The following GANC variants were observed in gnomAD, a reference collection of about 807,000 sequenced individuals.
GANC encodes glucosidase alpha, neutral C.
Under a neutral mutation model 124.2 loss-of-function variants are expected in GANC, and 117 were observed. The observed-to-expected ratio is 0.94, with a 90% confidence interval of 0.81 to 1.10. GANC has a LOEUF of 1.10. Among genes scored for constraint, GANC ranks in the 50% least tolerant of loss-of-function variants. The pLI is 0.00. For missense variants in GANC, 1,140 were observed against 1,095.0 expected (o/e 1.04, Z -0.58); for synonymous variants, 377 against 376.8 (o/e 1.00, Z -0.01).
chr15:42,327,505 G>C, intron 13 of GANC, 63 bp downstream of exon 13: 1 of 1,278,762 alleles, frequency 7.8e-7, no homozygotes, highest in South Asian at 1.2e-5. Flanking sequence ...TGGAAAAAGT[G>C]ATTGAATAAA....
chr15:42,340,884 G>A, intron 18 of GANC, 130 bp downstream of exon 18: 1 of 670,868 alleles, frequency 1.5e-6, no homozygotes, highest in Non-Finnish European at 2.5e-6. Context: ...GTCTGCCTCA[G>A]CCTCCTGAGC....
intron 7 of GANC, among the ~76,000 whole-genome samples, chr15:42,307,076 A>G (rs4924657): frequency 0.98 from 148,909 of 152,286 alleles, 72,867 homozygotes; most frequent in Non-Finnish European, 1. Flanking sequence ...TGATGGAATT[A>G]GGGTAGAGGG....
intron 3 of GANC, among the ~76,000 whole-genome samples, chr15:42,279,285 C>T (rs1022534664): frequency 1.3e-5 from 2 of 152,208 alleles, no homozygotes; most frequent in Non-Finnish European, 1.5e-5. Context: ...CTGTCACCCA[C>T]GTGCTTTCTA....
chr15:42,286,932 A>G (rs1281142144), intron 3 of GANC, among the ~76,000 whole-genome samples: 1 of 152,252 alleles, frequency 6.6e-6, no homozygotes, highest in Non-Finnish European at 1.5e-5. Flanking sequence ...CCACCAGTTG[A>G]AAACCATGGT....
chr15:42,336,066 C>A (rs2052280557), intron 15 of GANC, among the ~76,000 whole-genome samples: 1 of 151,296 alleles, frequency 6.6e-6, no homozygotes, highest in African/African-American at 2.4e-5. Context: ...AGATTCCGTG[C>A]TATTCCTGTC....
At chr15:42,298,639 A>G (rs570576875) in intron 6 of GANC, among the ~76,000 whole-genome samples, 1 of 152,214 alleles carries the variant, frequency 6.6e-6, no homozygotes, top group Non-Finnish European at 1.5e-5. Context: ...CTTCATCCCC[A>G]ATCACATGTA....
At chr15:42,294,881 T>G in intron 5 of GANC, among the ~76,000 whole-genome samples, 1 of 151,452 alleles carries the variant, frequency 6.6e-6, no homozygotes, top group East Asian at 1.9e-4. Context: ...CTAATAACCT[T>G]GAATATGTGT....
intron 3 of GANC, among the ~76,000 whole-genome samples, chr15:42,285,628 C>A (rs1177619910): frequency 2.0e-5 from 3 of 152,078 alleles, no homozygotes; most frequent in Non-Finnish European, 1.5e-5. Context: ...AACCCCATCT[C>A]TATTAAAAAT....
intron 11 of GANC, among the ~76,000 whole-genome samples, chr15:42,325,661 G>A (rs2052193259): frequency 1.3e-5 from 2 of 152,208 alleles, no homozygotes; most frequent in Non-Finnish European, 2.9e-5. Flanking sequence ...GCAGCACTCA[G>A]CATCATGGAC....
At chr15:42,350,022 C>CTTTTTTTTTT (rs753077889) in intron 22 of GANC, among the ~76,000 whole-genome samples, 4 of 75,036 alleles carry the variant, frequency 5.3e-5, no homozygotes, top group Non-Finnish European at 9.9e-5. Flanking sequence ...CTTTCCCCCA[C>CTTTTTTTTTT]TTTTTTTTTT....
rs761230377 is a variant in GANC, at chr15:42,348,131, T to A, written c.2333T>A (p.Val778Glu). The A allele has an allele frequency of 6.2e-7, 1 of 1,612,522 alleles. No homozygotes were observed. Among genetic ancestry groups the A allele is most frequent in the South Asian group, 1.1e-5 (1 of 90,692 alleles). Reference sequence around the variant, plus strand: ...CCAGTGTTTCAGCGAGGTGGAAGTGTGATACCAATAAAGACAACTGTAGGA... The same window carrying A: ...CCAGTGTTTCAGCGAGGTGGAAGTGAGATACCAATAAAGACAACTGTAGGA... ...TIPVFQRGGS[V>E]IPIKTTVGKS... is the part of the protein sequence containing the mutation. Residue 778 changes from valine to glutamate, a missense_variant, in exon 21 of 24, where the codon GTG (valine) becomes GAG (glutamate). Coordinates refer to ENST00000318010, the MANE Select transcript of GANC (RefSeq NM_198141.3).
At chr15:42,318,549 A>G (rs1318519180) in intron 10 of GANC, among the ~76,000 whole-genome samples, 2 of 152,146 alleles carry the variant, frequency 1.3e-5, no homozygotes, top group African/African-American at 4.8e-5. Context: ...CCAAATTTCC[A>G]GTATTCTGAA....
chr15:42,335,946 C>T (rs976548732), intron 15 of GANC, among the ~76,000 whole-genome samples: 1 of 152,040 alleles, frequency 6.6e-6, no homozygotes, highest in African/African-American at 2.4e-5. Flanking sequence ...AACTACAAAA[C>T]GCTGCTCAAA....
In GANC at chr15:42,339,896, T is replaced by C; in HGVS notation, c.2071T>C (p.Ser691Pro). 6.2e-7 allele frequency: 1 copy of C among 1,613,796 alleles called. No individual in the cohort carries two copies. Among genetic ancestry groups the C allele is most frequent in the Non-Finnish European group, 8.5e-7 (1 of 1,179,742 alleles). The change falls in exon 17 of 24, where the codon TCC becomes CCC. Residue 691 changes from serine to proline, a missense_variant. Transcript: ENST00000318010. ...TCTGTTCTACCATGCACACGTGGCT[T>C]CCCAACCTGTCATGAGGTAAAAAAG... ...YSLFYHAHVASQPVMRPLWVE... is the reference protein window; with the variant it reads ...YSLFYHAHVAPQPVMRPLWVE...
At chr15:42,337,186 A>G (rs1010356119) in intron 15 of GANC, among the ~76,000 whole-genome samples, 2 of 152,226 alleles carry the variant, frequency 1.3e-5, no homozygotes, top group East Asian at 1.9e-4. Flanking sequence ...ATGCGCGTGT[A>G]TGTTTACTGC....
At chr15:42,317,487 A>G (rs1297780643) in intron 10 of GANC, among the ~76,000 whole-genome samples, 1 of 152,168 alleles carries the variant, frequency 6.6e-6, no homozygotes, top group African/African-American at 2.4e-5. Flanking sequence ...TGCTTGTACT[A>G]CATGGTGAAT....
chr15:42,339,768 T>C lies in GANC; in HGVS notation c.1943T>C (p.Met648Thr), dbSNP rs1334670906. Residue 648 changes from methionine (M) to threonine (T), a missense_variant, in exon 17 of 24, where the codon ATG becomes ACG. Met to Thr is a moderately conservative substitution (Grantham distance 81, BLOSUM62 -1). Coordinates refer to ENST00000318010, the MANE Select transcript of GANC (RefSeq NM_198141.3). ...YQPFFRGHATMNTKRREPWLF... is the reference protein window; with the variant it reads ...YQPFFRGHATTNTKRREPWLF... Reference sequence around the variant, plus strand: ...CCCTTCTTCCGTGGCCATGCCACCATGAACACCAAGCGACGAGAGCCCTGG... The same window carrying C: ...CCCTTCTTCCGTGGCCATGCCACCACGAACACCAAGCGACGAGAGCCCTGG... The C allele has an allele frequency of 1.9e-6, 3 of 1,614,144 alleles. No homozygotes were observed. Among genetic ancestry groups the C allele is most frequent in the Non-Finnish European group, 2.5e-6 (3 of 1,180,002 alleles).
intron 5 of GANC, 89 bp from the exon 6 acceptor site, chr15:42,297,522 C>G: frequency 1.1e-6 from 1 of 927,102 alleles, no homozygotes. Context: ...ACTGAGGTCT[C>G]AAAAGTTGGA....
At chr15:42,316,952 A>T (rs1233864110) in intron 10 of GANC, among the ~76,000 whole-genome samples, 1 of 151,908 alleles carries the variant, frequency 6.6e-6, no homozygotes, top group Non-Finnish European at 1.5e-5. Context: ...TTAGTAATGC[A>T]ACAAAGAGTA....
Sources: gnomAD v4.1 joint callset for allele counts (sites outside exome capture counted in the v4.1 genomes callset) on GRCh38, gnomAD v4.1.1 for gene constraint, MANE v1.5 for transcripts, NCBI Gene and HGNC (gene_info 2026-07-23, HGNC 2026-07-21) for gene names.